BNC2: variants seen among roughly 807,000 people sequenced by gnomAD.
BNC2 encodes basonuclin zinc finger protein 2.
In BNC2, 20 loss-of-function variants were observed where a neutral mutation model predicts 76.3. The observed-to-expected ratio is 0.26, with a 90% CI of 0.18 to 0.38. BNC2 has a LOEUF of 0.38. Ranked by LOEUF, BNC2 falls within the 10% of genes least tolerant of loss-of-function variation. The pLI is 1.00. For synonymous variants in BNC2, 582 were observed against 514.8 expected (o/e 1.13, Z -1.77); for missense variants, 1,382 against 1,399.8 (o/e 0.99, Z 0.20).
chr9:16,540,968 G>C (rs2132372054), intron 5 of BNC2, among the ~76,000 whole-genome samples: 1 of 152,278 alleles, frequency 6.6e-6, no homozygotes, highest in South Asian at 2.1e-4. Flanking sequence ...CCATGGATTT[G>C]AGGCAGTTAA....
chr9:16,671,307 T>C lies in BNC2; in HGVS notation c.330+56490A>G, dbSNP rs529076432. Among the ~76,000 whole-genome samples, 23 of 152,090 alleles carry C rather than the reference T, an allele frequency of 1.5e-4. 1 individual carries two copies. In the East Asian group the frequency reaches 4.4e-3, roughly 29 times the overall value. ...ATGGATAAAATAATATGTGATTGCATCAAAATGAACGAAAAGGTGAAGCAA... is the reference window on the plus strand; with the variant it reads ...ATGGATAAAATAATATGTGATTGCACCAAAATGAACGAAAAGGTGAAGCAA... On this transcript the variant is annotated intron_variant, in intron 3 of 6. Transcript: ENST00000380672.
chr9:16,543,138 AGGGTT>A (rs1021059959), intron 5 of BNC2, among the ~76,000 whole-genome samples: 9 of 152,150 alleles, frequency 5.9e-5, no homozygotes, highest in African/African-American at 9.7e-5. Flanking sequence ...TAGAAACTTA[AGGGTT>A]GGGGTGGGGG....
At chr9:16,547,088 T>C (rs770151052) in intron 5 of BNC2, among the ~76,000 whole-genome samples, 9 of 152,370 alleles carry the variant, frequency 5.9e-5, no homozygotes, top group East Asian at 3.9e-4. Context: ...GCCTCAACTA[T>C]ACCAAATGTT....
At chr9:16,740,680 T>G (rs1342867876) in intron 1 of BNC2, among the ~76,000 whole-genome samples, 1 of 152,142 alleles carries the variant, frequency 6.6e-6, no homozygotes, top group Admixed American at 6.6e-5. Flanking sequence ...TGTTCATAAG[T>G]TGGCAGTTTG....
chr9:16,436,244 G>A lies in BNC2; in HGVS notation c.1950C>T (p.Ala650=), dbSNP rs773547795. ...CATCATCTTCATCATCAAACTCATC[G>A]GCGGTATCAATAATTTCCTTCTCAA... ...VKIEKEIIDT[A]DEFDDEDDDP... is the part of the protein sequence containing the mutation. Residue 650 remains alanine, a synonymous_variant, in exon 6 of 7, where the codon GCC becomes GCT. Transcript: ENST00000380672. The A allele has an allele frequency of 6.1e-5, 99 of 1,613,930 alleles. No individual in the cohort carries two copies. Among genetic ancestry groups the A allele is most frequent in the Middle Eastern group, 4.9e-4 (3 of 6,084 alleles).
chr9:16,538,688 A>G (rs932804278), intron 5 of BNC2, among the ~76,000 whole-genome samples: 1 of 152,222 alleles, frequency 6.6e-6, no homozygotes, highest in East Asian at 1.9e-4. Flanking sequence ...AGTAACTGAA[A>G]CTAATATAAA....
At chr9:16,480,625 C>G (rs998233517) in intron 5 of BNC2, among the ~76,000 whole-genome samples, 1 of 152,188 alleles carries the variant, frequency 6.6e-6, no homozygotes, top group Non-Finnish European at 1.5e-5. Flanking sequence ...CCCTGCTGGA[C>G]CGGGCAATGA....
In BNC2 at chr9:16,556,766, C is replaced by CAAA. The variant is rs397936765; in HGVS notation, c.434-4004_434-4002dup. ...CTGGCGACAGAGCGAGACTCTAACTCAAAAAAAAAAAAAAATTAAACTGCC... is the reference window on the plus strand; with the variant it reads ...CTGGCGACAGAGCGAGACTCTAACTCAAAAAAAAAAAAAAAAAATTAAACTGCC... On this transcript the variant is annotated intron_variant, in intron 4 of 6. Coordinates refer to ENST00000380672, the MANE Select transcript of BNC2 (RefSeq NM_017637.6). 2.3e-3 allele frequency among the ~76,000 whole-genome samples: 296 copies of CAAA among 127,340 alleles called. 1 individual carries two copies. The South Asian group carries it at 0.031, about 13-fold the overall frequency. The allele number at this position is 127,340 out of a possible 152,430, so 83.5% of individuals were successfully genotyped here. A position where few individuals can be genotyped will look rare whatever the true frequency, so the allele number is the denominator to read the frequency against.
intron 1 of BNC2, among the ~76,000 whole-genome samples, chr9:16,816,126 G>C (rs1347786618): frequency 6.6e-6 from 1 of 152,004 alleles, no homozygotes; most frequent in African/African-American, 2.4e-5. Flanking sequence ...AACGGTAGCA[G>C]AGCTGCATAA....
At chr9:16,581,109 A>G (rs547714161) in intron 4 of BNC2, among the ~76,000 whole-genome samples, 29 of 152,334 alleles carry the variant, frequency 1.9e-4, no homozygotes, top group African/African-American at 7.0e-4. Flanking sequence ...TGTTCTCCCA[A>G]AATTACTATG....
At chr9:16,544,736 G>A (rs1386477809) in intron 5 of BNC2, among the ~76,000 whole-genome samples, 1 of 151,610 alleles carries the variant, frequency 6.6e-6, no homozygotes, top group Admixed American at 6.6e-5. Context: ...CCCGAATCCA[G>A]GAGATGGGGG....
chr9:16,578,313 G>T (rs1218150840), intron 4 of BNC2, among the ~76,000 whole-genome samples: 1 of 151,702 alleles, frequency 6.6e-6, no homozygotes, highest in East Asian at 1.9e-4. Context: ...CATCTTAATG[G>T]TTTAGAAATA....
At chr9:16,783,579 A>G (rs1826208014) in intron 1 of BNC2, among the ~76,000 whole-genome samples, 1 of 152,208 alleles carries the variant, frequency 6.6e-6, no homozygotes, top group Non-Finnish European at 1.5e-5. Flanking sequence ...GACAGTTTTA[A>G]TATTGATTTA....
intron 1 of BNC2, among the ~76,000 whole-genome samples, chr9:16,826,187 G>C (rs1818450607): frequency 6.6e-6 from 1 of 151,540 alleles, no homozygotes; most frequent in Admixed American, 6.6e-5. Context: ...ATGTAAACTG[G>C]ACACAACAGC....
chr9:16,454,858 T>A (rs1821414109), intron 5 of BNC2, among the ~76,000 whole-genome samples: 1 of 152,216 alleles, frequency 6.6e-6, no homozygotes, highest in Non-Finnish European at 1.5e-5. Context: ...CAAGTAAATA[T>A]TCATCTTTCT....
intron 1 of BNC2, among the ~76,000 whole-genome samples, chr9:16,743,911 G>A (rs754031115): frequency 6.6e-6 from 1 of 152,180 alleles, no homozygotes; most frequent in East Asian, 1.9e-4. Flanking sequence ...ACTATTCTCG[G>A]TTTTTTTCCC....
intron 1 of BNC2, among the ~76,000 whole-genome samples, chr9:16,770,012 C>T (rs1028849394): frequency 2.0e-5 from 3 of 152,138 alleles, no homozygotes; most frequent in African/African-American, 7.2e-5. Flanking sequence ...TAACCTACAG[C>T]CTACGGTTTT....
Position 16,824,488 on chromosome 9 carries a change from C to T in BNC2, c.3+46158G>A, listed in dbSNP as rs543731901. ...GGAAAGGCACTTGCCTGTCCTCAGT[C>T]ACCTCCTGGCCCTGTTCTCCCAAAC... On this transcript the variant is annotated intron_variant, in intron 1 of 6. Transcript: ENST00000380672. Among the ~76,000 whole-genome samples the T allele has an allele frequency of 3.3e-5, 5 of 152,242 alleles. No homozygotes were observed. The East Asian group carries it at 9.7e-4, about 30-fold the overall frequency.
intron 4 of BNC2, among the ~76,000 whole-genome samples, chr9:16,556,491 C>T (rs1357547009): frequency 6.6e-6 from 1 of 151,872 alleles, no homozygotes; most frequent in East Asian, 1.9e-4. Context: ...TAAACTGGGC[C>T]AGGCACAGTG....
Sources: allele counts gnomAD v4.1 joint callset (sites outside exome capture counted in the v4.1 genomes callset), GRCh38; gene constraint gnomAD v4.1.1; transcripts MANE v1.5; gene names NCBI Gene and HGNC (gene_info 2026-07-23, HGNC 2026-07-21).